The following ARMH4 variants were observed in gnomAD, a reference collection of about 807,000 sequenced individuals.
ARMH4 encodes armadillo-like helical domain-containing protein 4.
In ARMH4, 49 loss-of-function variants were observed where a neutral mutation model predicts 61.9. The observed-to-expected ratio is 0.79, with a 90% CI of 0.63 to 1.00. The LOEUF (loss-of-function observed/expected upper bound fraction) is 1.00. ARMH4 is among the 50% of genes least tolerant of loss of function. ARMH4 has a pLI of 0.00. For missense variants in ARMH4, 934 were observed against 930.0 expected (o/e 1.00, Z -0.06); for synonymous variants, 368 against 341.5 (o/e 1.08, Z -0.85).
At chr14:58,046,406 A>G (rs1014355562) in intron 5 of ARMH4, among the ~76,000 whole-genome samples, 10 of 152,182 alleles carry the variant, frequency 6.6e-5, no homozygotes, top group African/African-American at 2.4e-4. Flanking sequence ...CTTTTCTTCC[A>G]AGAACACTTA....
intron 5 of ARMH4, among the ~76,000 whole-genome samples, chr14:58,076,360 G>A (rs1885049378): frequency 2.6e-5 from 4 of 152,184 alleles, no homozygotes. Flanking sequence ...GCTATCTACT[G>A]TTATTTAAAG....
In ARMH4 at chr14:58,014,396, A is replaced by G. The variant is rs549751420; in HGVS notation, c.2090-2246T>C. On this transcript the variant is annotated intron_variant, in intron 5 of 7. Coordinates refer to ENST00000267485, the MANE Select transcript of ARMH4 (RefSeq NM_001001872.4). ...GATTCTAGGAGTGGTTCCGTGGAGA[A>G]GTAAGATCCACCGCTGATTCACTGA... Among the ~76,000 whole-genome samples the G allele has an allele frequency of 1.5e-3, 221 of 152,246 alleles. 1 individual carries two copies. Among genetic ancestry groups the G allele is most frequent in the African/African-American group, 5.1e-3 (212 of 41,570 alleles).
chr14:58,102,817 CAAAA>C, intron 4 of ARMH4, among the ~76,000 whole-genome samples: 1 of 50,948 alleles, frequency 2.0e-5, no homozygotes, highest in African/African-American at 8.1e-5. Context: ...GACTCCGTCT[CAAAA>C]AAAAAAAAAA....
intron 5 of ARMH4, among the ~76,000 whole-genome samples, chr14:58,033,139 C>T (rs1458856170): frequency 2.1e-5 from 2 of 96,450 alleles, no homozygotes; most frequent in South Asian, 4.6e-4. Context: ...CCTCTGCAGA[C>T]TTAAGTGTCC....
chr14:58,040,025 AAAC>A (rs1467442638), intron 5 of ARMH4, among the ~76,000 whole-genome samples: 4 of 152,246 alleles, frequency 2.6e-5, no homozygotes, highest in Non-Finnish European at 5.9e-5. Context: ...CAGGGAACAA[AAAC>A]AACAACAACG....
At chr14:58,087,124 C>G (rs533298561) in intron 5 of ARMH4, among the ~76,000 whole-genome samples, 15 of 152,226 alleles carry the variant, frequency 9.9e-5, no homozygotes, top group Middle Eastern at 3.4e-3. Context: ...ATCTCTGATT[C>G]CTTGTTTTAA....
chr14:58,048,691 G>C (rs1566557300), intron 5 of ARMH4, among the ~76,000 whole-genome samples: 1 of 152,144 alleles, frequency 6.6e-6, no homozygotes, highest in Admixed American at 6.5e-5. Context: ...AAAAAACAAA[G>C]AATGTGAGTA....
intron 5 of ARMH4, among the ~76,000 whole-genome samples, chr14:58,020,037 G>T (rs1282989659): frequency 6.6e-6 from 1 of 152,132 alleles, no homozygotes; most frequent in Non-Finnish European, 1.5e-5. Flanking sequence ...GGATTTGTCT[G>T]AAATAATAAT....
Position 58,131,480 on chromosome 14 carries a change from C to T in ARMH4, c.1831+32G>A, listed in dbSNP as rs745827775. 5.8e-6 allele frequency: 9 copies of T among 1,564,106 alleles called. No individual in the cohort carries two copies. In the East Asian group the frequency reaches 1.1e-4, roughly 19 times the overall value. On this transcript the variant is annotated intron_variant, in intron 4 of 7. Coordinates refer to ENST00000267485, the MANE Select transcript of ARMH4 (RefSeq NM_001001872.4). ...TTGCTCAGTGACTCACTCAACCAGT[C>T]CTTGAAAAGATCCCCTTCAAAGCAT... is the stretch of plus-strand genomic sequence containing the variant.
intron 5 of ARMH4, among the ~76,000 whole-genome samples, chr14:58,089,725 G>A (rs938370672): frequency 2.0e-5 from 3 of 152,184 alleles, no homozygotes; most frequent in African/African-American, 4.8e-5. Context: ...GAAAGCAGGC[G>A]CTGTGTGAGG....
intron 5 of ARMH4, among the ~76,000 whole-genome samples, chr14:58,075,452 A>G (rs1040187085): frequency 2.6e-5 from 4 of 152,210 alleles, no homozygotes; most frequent in Admixed American, 1.3e-4. Flanking sequence ...TGTCCTTTGC[A>G]GGGACATGGA....
chr14:58,076,461 G>T (rs1885052989), intron 5 of ARMH4, among the ~76,000 whole-genome samples: 1 of 152,136 alleles, frequency 6.6e-6, no homozygotes, highest in Non-Finnish European at 1.5e-5. Context: ...ACTCTAATTT[G>T]TAACCCTGTT....
intron 4 of ARMH4, among the ~76,000 whole-genome samples, chr14:58,098,193 A>C (rs573589204): frequency 1.3e-5 from 2 of 151,894 alleles, no homozygotes; most frequent in East Asian, 3.9e-4. Context: ...AACTTTCTCC[A>C]CCCATACTAC....
At chr14:58,128,421 G>C (rs1403316785) in intron 4 of ARMH4, among the ~76,000 whole-genome samples, 2 of 152,144 alleles carry the variant, frequency 1.3e-5, no homozygotes, top group African/African-American at 4.8e-5. Flanking sequence ...TGTTATGTTT[G>C]TATTTCAAAG....
In ARMH4 at chr14:58,054,017, G is replaced by T. The variant is rs201706921; in HGVS notation, c.2090-41867C>A. 2.6e-5 allele frequency among the ~76,000 whole-genome samples: 4 copies of T among 152,250 alleles called. No homozygotes were observed. In the South Asian group the frequency reaches 8.3e-4, roughly 32 times the overall value. ...TAAGAAAATAATATTTAGATTTAGC[G>T]CCCTTGGTACGTCTCAAAGACTCTG... On this transcript the variant is annotated intron_variant, in intron 5 of 7. Coordinates refer to ENST00000267485, the MANE Select transcript of ARMH4 (RefSeq NM_001001872.4).
At chr14:58,053,589 C>T (rs1203808810) in intron 5 of ARMH4, among the ~76,000 whole-genome samples, 2 of 152,142 alleles carry the variant, frequency 1.3e-5, no homozygotes, top group Non-Finnish European at 2.9e-5. Flanking sequence ...AGGCCAAGGC[C>T]CCTGGTAGAA....
At chr14:58,102,847 G>A (rs1157827684) in intron 4 of ARMH4, among the ~76,000 whole-genome samples, 9 of 142,738 alleles carry the variant, frequency 6.3e-5, no homozygotes, top group Non-Finnish European at 1.2e-4. Context: ...AAAGAGTAAG[G>A]CAGAGGTCAG....
Position 58,138,100 on chromosome 14 carries a change from T to C in ARMH4, c.1259A>G (p.Asp420Gly). Residue 420 changes from aspartate to glycine, a missense_variant, in exon 2 of 8, where the codon GAC becomes GGC. Coordinates refer to ENST00000267485, the MANE Select transcript of ARMH4 (RefSeq NM_001001872.4). ...GTTTTCCTTGGTGGATTCCGTGAAG[T>C]CTCCCGTACTTTGGAGCAAGTTCAC... ...SIVNLLQSTG[D>G]FTESTKENDA... 1 of 1,614,200 alleles carries C rather than the reference T, an allele frequency of 6.2e-7. No individual in the cohort carries two copies. Among genetic ancestry groups the C allele is most frequent in the South Asian group, 1.1e-5 (1 of 91,088 alleles).
chr14:58,138,586 G>A lies in ARMH4; in HGVS notation c.773C>T (p.Ser258Leu), dbSNP rs771210482. The change falls in exon 2 of 8, where the codon TCG (serine) becomes TTG (leucine). Residue 258 changes from serine to leucine, a missense_variant. Physicochemically the swap from Ser to Leu is moderately radical, Grantham distance 145. Coordinates refer to ENST00000267485, the MANE Select transcript of ARMH4 (RefSeq NM_001001872.4). ...GSLTPDKEKP[S>L]QMTADNTQAA... The stretch of plus-strand genomic sequence containing the variant: ...CTGGGTGTTATCAGCTGTCATCTGC[G>A]AAGGCTTCTCCTTATCAGGGGTGAG... The A allele has an allele frequency of 1.5e-5, 25 of 1,614,074 alleles. No individual in the cohort carries two copies. The highest frequency in any genetic ancestry group is 2.2e-5 in the East Asian group (1 of 44,882).
Sources: allele counts gnomAD v4.1 joint callset (sites outside exome capture counted in the v4.1 genomes callset), GRCh38; gene constraint gnomAD v4.1.1; transcripts MANE v1.5; gene names NCBI Gene and HGNC (gene_info 2026-07-23, HGNC 2026-07-21).